TSPAN5: variants seen among roughly 807,000 people sequenced by gnomAD.
The protein encoded by TSPAN5 is tetraspanin-5.
In TSPAN5, 10 loss-of-function variants were observed where a neutral mutation model predicts 37.1. The observed-to-expected ratio is 0.27, with a 90% CI of 0.17 to 0.46. The LOEUF (loss-of-function observed/expected upper bound fraction) is 0.46. Ranked by LOEUF, TSPAN5 falls within the 20% of genes least tolerant of loss-of-function variation. The pLI is 1.00. For missense variants in TSPAN5, 195 were observed against 326.6 expected (o/e 0.60, Z 3.11); for synonymous variants, 110 against 118.9 (o/e 0.93, Z 0.48).
Position 98,481,886 on chromosome 4 carries a change from C to T in TSPAN5, c.450+119G>A, listed in dbSNP as rs1732618540. On this transcript the variant is annotated intron_variant, in intron 4 of 7. Transcript: ENST00000305798. ...AAAATAATAAACAAACAAACAAACA[C>T]CCATGCAGAATAGTCAGGTAGTTTC... 7 of 914,908 alleles carry T rather than the reference C, an allele frequency of 7.7e-6. No individual in the cohort carries two copies. In the Admixed American group the frequency reaches 1.4e-4, roughly 19 times the overall value. 56.7% of individuals were successfully genotyped at this position (914,908 alleles called of 1,614,324 possible).
chr4:98,639,401 T>A (rs1354532819), intron 1 of TSPAN5, among the ~76,000 whole-genome samples: 2 of 152,166 alleles, frequency 1.3e-5, no homozygotes, highest in African/African-American at 4.8e-5. Flanking sequence ...TACTGCAGCC[T>A]TGAACTTCTG....
At chr4:98,628,293 T>C (rs1419370470) in intron 1 of TSPAN5, among the ~76,000 whole-genome samples, 1 of 152,134 alleles carries the variant, frequency 6.6e-6, no homozygotes, top group Non-Finnish European at 1.5e-5. Flanking sequence ...AAAAATTAAC[T>C]TACATGCAAC....
At chr4:98,642,169 C>T (rs1756971877) in intron 1 of TSPAN5, among the ~76,000 whole-genome samples, 1 of 152,192 alleles carries the variant, frequency 6.6e-6, no homozygotes, top group Admixed American at 6.5e-5. Context: ...CTTTCATCAG[C>T]AGGTCAACCT....
chr4:98,543,943 C>G (rs1206636633), intron 1 of TSPAN5, among the ~76,000 whole-genome samples: 1 of 151,742 alleles, frequency 6.6e-6, no homozygotes, highest in East Asian at 1.9e-4. Context: ...TTTGGGAGGC[C>G]GAGGCAGGAG....
intron 5 of TSPAN5, among the ~76,000 whole-genome samples, 174 bp downstream of exon 5, chr4:98,478,511 C>T (rs1226948257): frequency 6.6e-6 from 1 of 152,156 alleles, no homozygotes; most frequent in Admixed American, 6.5e-5. Context: ...TAAATTAATG[C>T]CAGCAATTAT....
At chr4:98,498,984 T>C (rs1221718022) in intron 2 of TSPAN5, among the ~76,000 whole-genome samples, 1 of 152,076 alleles carries the variant, frequency 6.6e-6, no homozygotes, top group Non-Finnish European at 1.5e-5. Context: ...CGCTGTCAGA[T>C]AGGGCTGCCT....
At chr4:98,567,315 CTG>C (rs1755027081) in intron 1 of TSPAN5, among the ~76,000 whole-genome samples, 1 of 152,158 alleles carries the variant, frequency 6.6e-6, no homozygotes, top group Admixed American at 6.5e-5. Context: ...AAAATAAACA[CTG>C]TTTTTAACAC....
At chr4:98,535,433 A>G (rs899724003) in intron 1 of TSPAN5, among the ~76,000 whole-genome samples, 2 of 152,226 alleles carry the variant, frequency 1.3e-5, no homozygotes, top group African/African-American at 4.8e-5. Flanking sequence ...CTTTGTGGGT[A>G]ACCTGACCTT....
chr4:98,583,763 G>C (rs889793635), intron 1 of TSPAN5, among the ~76,000 whole-genome samples: 3 of 152,262 alleles, frequency 2.0e-5, no homozygotes, highest in African/African-American at 7.2e-5. Flanking sequence ...ACTGGACCAA[G>C]CCTCACAGGG....
chr4:98,480,702 G>A (rs766195417), intron 4 of TSPAN5, among the ~76,000 whole-genome samples: 56 of 152,302 alleles, frequency 3.7e-4, no homozygotes, highest in Admixed American at 1.2e-3. Context: ...ATTTCGAGGT[G>A]TGTCCACAAA....
intron 1 of TSPAN5, among the ~76,000 whole-genome samples, chr4:98,519,636 G>A (rs1265785952): frequency 6.6e-6 from 1 of 152,226 alleles, no homozygotes; most frequent in Non-Finnish European, 1.5e-5. Flanking sequence ...CAGGCTTTTG[G>A]TGTCATTTAC....
intron 1 of TSPAN5, among the ~76,000 whole-genome samples, chr4:98,551,495 T>TTTTC (rs1754615808): frequency 7.1e-6 from 1 of 141,494 alleles, no homozygotes; most frequent in Non-Finnish European, 1.5e-5. Flanking sequence ...TTCTTTTCTT[T>TTTTC]TTTTTTTTTT....
chr4:98,607,529 G>A (rs1029156901), intron 1 of TSPAN5, among the ~76,000 whole-genome samples: 14 of 152,060 alleles, frequency 9.2e-5, no homozygotes, highest in Non-Finnish European at 1.8e-4. Context: ...AATAACCTCA[G>A]TAGCCTAAGT....
chr4:98,654,433 C>A (rs1341944159), intron 1 of TSPAN5, among the ~76,000 whole-genome samples: 11 of 152,176 alleles, frequency 7.2e-5, no homozygotes, highest in African/African-American at 2.7e-4. Context: ...TTCGGTACCC[C>A]AAAGAAATGA....
chr4:98,572,128 T>G (rs1026020838), intron 1 of TSPAN5, among the ~76,000 whole-genome samples: 2 of 152,066 alleles, frequency 1.3e-5, no homozygotes, highest in Non-Finnish European at 2.9e-5. Flanking sequence ...CACACCTGGC[T>G]AATTTTTGTA....
At chr4:98,584,667 C>G (rs1755446707) in intron 1 of TSPAN5, among the ~76,000 whole-genome samples, 1 of 152,174 alleles carries the variant, frequency 6.6e-6, no homozygotes, top group East Asian at 1.9e-4. Flanking sequence ...TATAAAGACT[C>G]TGTGATTGCC....
intron 2 of TSPAN5, among the ~76,000 whole-genome samples, chr4:98,490,609 C>T (rs974433759): frequency 2.0e-5 from 3 of 152,176 alleles, no homozygotes; most frequent in African/African-American, 7.2e-5. Flanking sequence ...ATAGGAAAGA[C>T]TACCAAGAAC....
chr4:98,618,046 G>A (rs1304978125), intron 1 of TSPAN5, among the ~76,000 whole-genome samples: 1 of 152,176 alleles, frequency 6.6e-6, no homozygotes, highest in Non-Finnish European at 1.5e-5. Context: ...CAACCTTGGA[G>A]AGAACCCAGG....
chr4:98,658,004 A>T (rs1370082347), intron 1 of TSPAN5, 142 bp downstream of exon 1: 1 of 776,590 alleles, frequency 1.3e-6, no homozygotes, highest in Non-Finnish European at 2.3e-6. Flanking sequence ...CGCAAGCTGG[A>T]AAGGCGGAAG....
Sources: gnomAD v4.1 joint callset for allele counts (sites outside exome capture counted in the v4.1 genomes callset) on GRCh38, gnomAD v4.1.1 for gene constraint, MANE v1.5 for transcripts, NCBI Gene and HGNC (gene_info 2026-07-23, HGNC 2026-07-21) for gene names.